The following COL24A1 variants were observed in gnomAD, a reference collection of about 807,000 sequenced individuals.
COL24A1 encodes collagen type XXIV alpha 1 chain, also known as collagen alpha-1(XXIV) chain.
In COL24A1, 224 loss-of-function variants were observed where a neutral mutation model predicts 253.9. That is an observed-to-expected ratio of 0.88 (90% CI 0.79 to 0.99). The LOEUF is 0.99. Among genes scored for constraint, COL24A1 ranks in the 50% least tolerant of loss-of-function variants. COL24A1 has a pLI of 0.00. For synonymous variants in COL24A1, 685 were observed against 673.7 expected (o/e 1.02, Z -0.26); for missense variants, 2,131 against 2,068.5 (o/e 1.03, Z -0.59).
At chr1:85,732,076 C>T (rs1663533850) in intron 59 of COL24A1, among the ~76,000 whole-genome samples, 1 of 152,246 alleles carries the variant, frequency 6.6e-6, no homozygotes, top group African/African-American at 2.4e-5. Flanking sequence ...GATAGAAATT[C>T]TGGTACTCTC....
chr1:86,095,357 C>T (rs1306626403), intron 5 of COL24A1, among the ~76,000 whole-genome samples: 1 of 152,022 alleles, frequency 6.6e-6, no homozygotes, highest in Non-Finnish European at 1.5e-5. Flanking sequence ...TGTCAAATTT[C>T]TCTTTGTTCT....
At chr1:86,054,000 C>A (rs1484850995) in intron 10 of COL24A1, among the ~76,000 whole-genome samples, 1 of 152,168 alleles carries the variant, frequency 6.6e-6, no homozygotes, top group African/African-American at 2.4e-5. Flanking sequence ...CACCCTACTA[C>A]CCACTGATCT....
intron 5 of COL24A1, among the ~76,000 whole-genome samples, chr1:86,104,204 T>C (rs1004893669): frequency 2.0e-5 from 3 of 152,192 alleles, no homozygotes; most frequent in African/African-American, 7.2e-5. Context: ...GAAATTCTTA[T>C]GTGTTTTTTT....
chr1:86,034,756 A>G (rs987189941), intron 12 of COL24A1, among the ~76,000 whole-genome samples: 3 of 152,146 alleles, frequency 2.0e-5, no homozygotes, highest in African/African-American at 7.2e-5. Context: ...CCTTCTCATT[A>G]TAAATTCTAT....
intron 10 of COL24A1, 54 bp downstream of exon 10, chr1:86,057,877 T>C: frequency 6.7e-7 from 1 of 1,497,172 alleles, no homozygotes; most frequent in Non-Finnish European, 9.2e-7. Flanking sequence ...TTTATATATT[T>C]CATTCTACTT....
Position 85,734,982 on chromosome 1 carries a change from A to G in COL24A1, c.4783-18T>C, listed in dbSNP as rs148046052. ...AACTCCAACTAATGTCATAGAAATGATATGCAGGTTATAACATGGCAATTG... is the reference window on the plus strand; with the variant it reads ...AACTCCAACTAATGTCATAGAAATGGTATGCAGGTTATAACATGGCAATTG... On this transcript the variant is annotated intron_variant, in intron 58 of 59. Transcript: ENST00000370571. 2,843 of 1,610,926 alleles carry G rather than the reference A, an allele frequency of 1.8e-3. 34 individuals carry two copies. In the African/African-American group the frequency reaches 0.034, roughly 19 times the overall value.
chr1:85,873,847 C>G (rs1219853224), intron 35 of COL24A1, among the ~76,000 whole-genome samples: 1 of 148,720 alleles, frequency 6.7e-6, no homozygotes, highest in Non-Finnish European at 1.5e-5. Context: ...AAGACTAAGG[C>G]TCCGGTACAT....
At position 85,801,522 on chromosome 1, in the gene COL24A1, T is replaced by C. The variant is rs983510841; in HGVS notation, c.3952-15061A>G. On this transcript the variant is annotated intron_variant, in intron 47 of 59. Transcript: ENST00000370571. Reference sequence around the variant, plus strand: ...GATGCCTCTTTCCAGCAGTTCCTGATCTCAACTTGATTCTAGTAACATCAT... The same window carrying C: ...GATGCCTCTTTCCAGCAGTTCCTGACCTCAACTTGATTCTAGTAACATCAT... 9.8e-5 allele frequency among the ~76,000 whole-genome samples: 15 copies of C among 152,362 alleles called. 1 individual carries two copies. In the South Asian group the frequency reaches 2.9e-3, roughly 29 times the overall value.
intron 28 of COL24A1, among the ~76,000 whole-genome samples, chr1:85,905,590 T>TTAA (rs1684739721): frequency 6.6e-6 from 1 of 152,026 alleles, no homozygotes; most frequent in South Asian, 2.1e-4. Context: ...GGATACTGGG[T>TTAA]AAAAATTTTA....
chr1:86,115,396 A>T lies in COL24A1; in HGVS notation c.1492-18T>A, dbSNP rs1262591190. On this transcript the variant is annotated intron_variant, in intron 3 of 59. Transcript: ENST00000370571. The stretch of plus-strand genomic sequence containing the variant: ...GGTGGACCCTTGGAAAACAAATGTC[A>T]AGACATTAGGCATGATAGTGGACAC... 6.2e-7 allele frequency: 1 copy of T among 1,611,772 alleles called. No homozygotes were observed.
At position 86,057,302 on chromosome 1, in the gene COL24A1, T is replaced by G. The variant is rs117021045; in HGVS notation, c.1851+629A>C. 2.5e-3 allele frequency among the ~76,000 whole-genome samples: 375 copies of G among 152,294 alleles called. 10 individuals carry two copies. In the East Asian group the frequency reaches 0.046, roughly 19 times the overall value. ...TCCTAAGGCCCTCACAAGATGCAAA[T>G]GCTGGAGCCATATCTGCATGGACTG... On this transcript the variant is annotated intron_variant, in intron 10 of 59. Coordinates refer to ENST00000370571, the MANE Select transcript of COL24A1 (RefSeq NM_152890.7).
chr1:85,811,428 C>T lies in COL24A1; in HGVS notation c.3951+5360G>A, dbSNP rs528114421. 3.9e-5 allele frequency among the ~76,000 whole-genome samples: 6 copies of T among 152,016 alleles called. No individual in the cohort carries two copies. The South Asian group carries it at 1.0e-3, about 26-fold the overall frequency. On this transcript the variant is annotated intron_variant, in intron 47 of 59. Transcript: ENST00000370571. Reference sequence around the variant, plus strand: ...TTAAAAAAATCTTTTACATTCCTGCCGTCAGTTCTTTTGCATATATATATA... The same window carrying T: ...TTAAAAAAATCTTTTACATTCCTGCTGTCAGTTCTTTTGCATATATATATA...
At chr1:86,048,602 T>C (rs1700083146) in intron 11 of COL24A1, among the ~76,000 whole-genome samples, 1 of 152,034 alleles carries the variant, frequency 6.6e-6, no homozygotes, top group African/African-American at 2.4e-5. Flanking sequence ...GCCATTCTCC[T>C]GCCTCAGCCT....
rs761531986 is a variant in COL24A1 at position 85,783,484 on chromosome 1, C to T, written c.4284+12G>A. The T allele has an allele frequency of 3.1e-6, 5 of 1,612,256 alleles. No individual in the cohort carries two copies. The African/African-American group carries it at 5.3e-5, about 17-fold the overall frequency. On this transcript the variant is annotated intron_variant, in intron 51 of 59. Coordinates refer to ENST00000370571, the MANE Select transcript of COL24A1 (RefSeq NM_152890.7). ...CCACAATTTCTGGTAGGCAGAATGA[C>T]TTTACACTTACTCTGTGTCCAATAG...
intron 53 of COL24A1, among the ~76,000 whole-genome samples, chr1:85,772,579 G>A (rs1668099375): frequency 2.6e-5 from 4 of 152,026 alleles, no homozygotes; most frequent in Admixed American, 2.6e-4. Flanking sequence ...GTGTGAGATG[G>A]TGTCTCATTG....
intron 20 of COL24A1, among the ~76,000 whole-genome samples, chr1:85,972,600 A>G (rs1329207389): frequency 6.6e-6 from 1 of 152,146 alleles, no homozygotes; most frequent in Non-Finnish European, 1.5e-5. Flanking sequence ...AGGCAAAAGC[A>G]CCCTAATTTT....
chr1:86,127,924 G>A (rs756643264), intron 2 of COL24A1, among the ~76,000 whole-genome samples: 1 of 151,964 alleles, frequency 6.6e-6, no homozygotes, highest in Admixed American at 6.6e-5. Context: ...ACACTCAAGT[G>A]TTTTATTTTA....
At chr1:85,835,317 AGATGGGGTTTCACTATGTTGG>A (rs1675880659) in intron 43 of COL24A1, among the ~76,000 whole-genome samples, 1 of 152,054 alleles carries the variant, frequency 6.6e-6, no homozygotes, top group African/African-American at 2.4e-5. Flanking sequence ...ATTTTAGTAG[AGATGGGGTTTCACTATGTTGG>A]GCAGGATGGT....
chr1:85,914,444 G>A (rs1293935738), intron 24 of COL24A1, among the ~76,000 whole-genome samples: 1 of 148,950 alleles, frequency 6.7e-6, no homozygotes, highest in Non-Finnish European at 1.5e-5. Context: ...AGCTTGGAGT[G>A]CAATGGCGCG....
Sources: gnomAD v4.1 joint callset for allele counts (sites outside exome capture counted in the v4.1 genomes callset) on GRCh38, gnomAD v4.1.1 for gene constraint, MANE v1.5 for transcripts, NCBI Gene and HGNC (gene_info 2026-07-23, HGNC 2026-07-21) for gene names.